FTCDNL1: variants seen among roughly 807,000 people sequenced by gnomAD.
The protein encoded by FTCDNL1 is formiminotransferase N-terminal subdomain-containing protein.
In FTCDNL1, 11 loss-of-function variants were observed where a neutral mutation model predicts 5.9. That is an observed-to-expected ratio of 1.87 (90% CI 1.18 to 3.10). The LOEUF is 3.10. FTCDNL1 is among the 30% of genes most tolerant of loss of function. The probability of loss-of-function intolerance (pLI) is 0.00; values close to 1 mark genes in which losing one functional copy is unlikely to be tolerated. For missense variants in FTCDNL1, 115 were observed against 65.5 expected (o/e 1.76, Z -2.61); for synonymous variants, 58 against 24.8 (o/e 2.34, Z -3.99).
chr2:199,847,793 C>A (rs2076769726), intron 2 of FTCDNL1, among the ~76,000 whole-genome samples: 1 of 152,150 alleles, frequency 6.6e-6, no homozygotes. Context: ...CTGTTTCTGA[C>A]AATGAAGAGC....
chr2:199,723,431 G>A, the FTCDNL1 span, among the ~76,000 whole-genome samples: 3 of 152,022 alleles, frequency 2.0e-5, no homozygotes, highest in East Asian at 1.9e-4. Flanking sequence ...TTGAATAGGC[G>A]TGGCAAGAGA....
intron 3 of FTCDNL1, among the ~76,000 whole-genome samples, chr2:199,791,920 C>T (rs994826357): frequency 2.0e-5 from 3 of 151,936 alleles, no homozygotes; most frequent in African/African-American, 4.8e-5. Flanking sequence ...TATAGTATCA[C>T]CTTTTATAAA....
chr2:199,729,320 C>T, the FTCDNL1 span, among the ~76,000 whole-genome samples: 1 of 152,138 alleles, frequency 6.6e-6, no homozygotes, highest in South Asian at 2.1e-4. Flanking sequence ...CTCACCACTC[C>T]TATCCAACAC....
At chr2:199,667,319 A>T in the FTCDNL1 span, among the ~76,000 whole-genome samples, 75 of 152,248 alleles carry the variant, frequency 4.9e-4, 1 homozygote, top group East Asian at 3.7e-3. Flanking sequence ...ATGGAGAGGA[A>T]TGTTGAGATA....
At chr2:199,721,470 A>G in the FTCDNL1 span, among the ~76,000 whole-genome samples, 204 of 152,308 alleles carry the variant, frequency 1.3e-3, 1 homozygote, top group African/African-American at 4.6e-3. Context: ...TTATGGCTGA[A>G]TAGTATTCCA....
At chr2:199,790,662 GACAA>G (rs1447053141) in intron 3 of FTCDNL1, among the ~76,000 whole-genome samples, 1 of 151,364 alleles carries the variant, frequency 6.6e-6, no homozygotes, top group Non-Finnish European at 1.5e-5. Flanking sequence ...ACTTTTTTTT[GACAA>G]ACATATTCCT....
intron 1 of FTCDNL1, among the ~76,000 whole-genome samples, chr2:199,850,161 T>C (rs2106635138): frequency 6.6e-6 from 1 of 152,364 alleles, no homozygotes; most frequent in Admixed American, 6.5e-5. Flanking sequence ...TCATATCATG[T>C]CCATCATCTC....
the FTCDNL1 span, among the ~76,000 whole-genome samples, chr2:199,742,434 C>T: frequency 1.5e-4 from 23 of 152,138 alleles, no homozygotes; most frequent in Admixed American, 6.5e-4. Context: ...CGGGGATCAA[C>T]GCCTGGAGAA....
intron 3 of FTCDNL1, among the ~76,000 whole-genome samples, chr2:199,766,038 T>C (rs1698522211): frequency 6.6e-6 from 1 of 152,156 alleles, no homozygotes; most frequent in Non-Finnish European, 1.5e-5. Flanking sequence ...CAAGCTTCAC[T>C]ATCTTTGCTA....
chr2:199,703,138 C>T, the FTCDNL1 span, among the ~76,000 whole-genome samples: 3 of 151,940 alleles, frequency 2.0e-5, no homozygotes, highest in Non-Finnish European at 4.4e-5. Context: ...ATGTGCCATG[C>T]TGGTGTGCTG....
the FTCDNL1 span, among the ~76,000 whole-genome samples, chr2:199,735,556 A>T: frequency 2.6e-5 from 4 of 152,000 alleles, no homozygotes; most frequent in African/African-American, 9.7e-5. Context: ...TTCCCTAGAC[A>T]TATCTTTAGT....
At chr2:199,724,698 T>C in the FTCDNL1 span, among the ~76,000 whole-genome samples, 1 of 152,112 alleles carries the variant, frequency 6.6e-6, no homozygotes, top group East Asian at 1.9e-4. Flanking sequence ...TGGTTTTGTG[T>C]GAGTTTTTAA....
chr2:199,687,890 A>G, the FTCDNL1 span, among the ~76,000 whole-genome samples: 1 of 152,178 alleles, frequency 6.6e-6, no homozygotes, highest in Non-Finnish European at 1.5e-5. Context: ...CTGAGGCTCA[A>G]AGACTTTATA....
chr2:199,813,040 G>GA (rs1050143517), intron 4 of FTCDNL1, among the ~76,000 whole-genome samples: 2 of 152,068 alleles, frequency 1.3e-5, no homozygotes, highest in African/African-American at 4.8e-5. Flanking sequence ...TGTTTAAGCA[G>GA]AAAAAAACCA....
chr2:199,784,342 G>C (rs1699527874), intron 3 of FTCDNL1, among the ~76,000 whole-genome samples: 2 of 152,128 alleles, frequency 1.3e-5, no homozygotes, highest in Non-Finnish European at 2.9e-5. Context: ...CTCAGCACCA[G>C]GTAAAGATTA....
the FTCDNL1 span, among the ~76,000 whole-genome samples, chr2:199,665,641 A>T: frequency 6.7e-6 from 1 of 149,250 alleles, no homozygotes; most frequent in Admixed American, 6.8e-5. Flanking sequence ...TCTTAAAAAA[A>T]AAAAAAAAAA....
chr2:199,744,259 C>A, the FTCDNL1 span, among the ~76,000 whole-genome samples: 7 of 152,262 alleles, frequency 4.6e-5, no homozygotes, highest in African/African-American at 1.4e-4. Flanking sequence ...TCAAAAGTTA[C>A]GTGTTGAAAC....
the FTCDNL1 span, among the ~76,000 whole-genome samples, chr2:199,682,074 C>T: frequency 6.6e-6 from 1 of 152,162 alleles, no homozygotes; most frequent in Non-Finnish European, 1.5e-5. Context: ...TGCTGGGCCA[C>T]ATTACCCAGA....
chr2:199,726,452 TGGA>T, the FTCDNL1 span, among the ~76,000 whole-genome samples: 1 of 152,176 alleles, frequency 6.6e-6, no homozygotes, highest in Non-Finnish European at 1.5e-5. Context: ...TGCAATCATT[TGGA>T]GGAGAAGAGG....
Sources: allele counts gnomAD v4.1 joint callset (sites outside exome capture counted in the v4.1 genomes callset), GRCh38; gene constraint gnomAD v4.1.1; transcripts MANE v1.5; gene names NCBI Gene and HGNC (gene_info 2026-07-23, HGNC 2026-07-21).